The following ZNF678 variants were observed in gnomAD, a reference collection of about 807,000 sequenced individuals.
The protein encoded by ZNF678 is hypothetical protein MGC42493.
Under a neutral mutation model 3.0 loss-of-function variants are expected in ZNF678, and 5 were observed. That is an observed-to-expected ratio of 1.69 (90% CI 0.88 to 3.56). ZNF678 has a LOEUF of 3.56. ZNF678 is among the 30% of genes most tolerant of loss of function. The pLI is 0.00. For synonymous variants in ZNF678, 218 were observed against 199.6 expected (o/e 1.09, Z -0.78); for missense variants, 593 against 605.0 (o/e 0.98, Z 0.21).
intron 1 of ZNF678, among the ~76,000 whole-genome samples, chr1:227,643,186 G>T (rs960966182): frequency 7.9e-5 from 12 of 152,046 alleles, no homozygotes; most frequent in African/African-American, 2.9e-4. Flanking sequence ...AGGAGGAGGA[G>T]GAGTTAGTAG....
intron 1 of ZNF678, among the ~76,000 whole-genome samples, chr1:227,645,401 A>G (rs566635643): frequency 3.4e-4 from 52 of 152,208 alleles, no homozygotes; most frequent in Admixed American, 5.2e-4. Flanking sequence ...TTTTATTTAT[A>G]TATTTGTAAT....
At chr1:227,597,213 A>G (rs1291008926) in intron 1 of ZNF678, among the ~76,000 whole-genome samples, 1 of 152,238 alleles carries the variant, frequency 6.6e-6, no homozygotes, top group Non-Finnish European at 1.5e-5. Context: ...TATCTGCAGC[A>G]GGAGCATGTC....
chr1:227,578,455 A>G (rs1488488576), intron 1 of ZNF678, among the ~76,000 whole-genome samples: 2 of 151,748 alleles, frequency 1.3e-5, no homozygotes, highest in Admixed American at 1.3e-4. Flanking sequence ...TTTTTTTTAC[A>G]CTATTCTTGT....
At chr1:227,564,093 T>C (rs1656607381) in intron 1 of ZNF678, among the ~76,000 whole-genome samples, 1 of 152,242 alleles carries the variant, frequency 6.6e-6, no homozygotes, top group African/African-American at 2.4e-5. Flanking sequence ...TTTAAAGCTT[T>C]GAAGAGTTTG....
chr1:227,631,304 C>T (rs976074329), intron 1 of ZNF678, among the ~76,000 whole-genome samples: 1 of 152,182 alleles, frequency 6.6e-6, no homozygotes, highest in Non-Finnish European at 1.5e-5. Flanking sequence ...ATATAACAGT[C>T]CTGCACCCAT....
intron 1 of ZNF678, among the ~76,000 whole-genome samples, chr1:227,597,835 C>G (rs1340751473): frequency 6.6e-6 from 1 of 152,220 alleles, no homozygotes; most frequent in Non-Finnish European, 1.5e-5. Flanking sequence ...GTACCCAGCT[C>G]TGACCTCTCA....
intron 1 of ZNF678, among the ~76,000 whole-genome samples, chr1:227,568,479 A>G (rs571687329): frequency 5.6e-4 from 85 of 152,342 alleles, no homozygotes; most frequent in African/African-American, 1.9e-3. Context: ...CTTTGAGAAC[A>G]TAAAGGATGG....
chr1:227,672,564 T>C (rs922944998), intron 5 of ZNF678, among the ~76,000 whole-genome samples: 2 of 152,106 alleles, frequency 1.3e-5, no homozygotes, highest in African/African-American at 4.8e-5. Flanking sequence ...TGTTTTGAAC[T>C]CCAGGGTCAG....
downstream of ZNF678, among the ~76,000 whole-genome samples, chr1:227,663,395 G>A (rs1351179608): frequency 2.6e-5 from 4 of 152,136 alleles, no homozygotes; most frequent in Admixed American, 6.5e-5. Context: ...ACATAAAGAC[G>A]TGATATCAAG....
At chr1:227,590,693 A>G (rs534851102) in intron 1 of ZNF678, among the ~76,000 whole-genome samples, 6 of 151,916 alleles carry the variant, frequency 3.9e-5, no homozygotes, top group Non-Finnish European at 8.8e-5. Flanking sequence ...TAACACAACT[A>G]CCTGTCCACT....
chr1:227,586,575 GTAAC>G (rs1383832547), intron 1 of ZNF678, among the ~76,000 whole-genome samples: 1 of 152,142 alleles, frequency 6.6e-6, no homozygotes, highest in Non-Finnish European at 1.5e-5. Flanking sequence ...TTAAAAATAA[GTAAC>G]TAAGAGTCTG....
chr1:227,579,015 C>T (rs1657054483), intron 1 of ZNF678, among the ~76,000 whole-genome samples: 2 of 152,128 alleles, frequency 1.3e-5, no homozygotes, highest in South Asian at 4.2e-4. Flanking sequence ...TTTTAGGGGG[C>T]CAGCACTCAG....
intron 1 of ZNF678, among the ~76,000 whole-genome samples, chr1:227,595,697 A>C (rs559022676): frequency 1.2e-4 from 18 of 152,254 alleles, no homozygotes; most frequent in African/African-American, 4.3e-4. Context: ...GTTTACACCA[A>C]ACCAAAATCA....
At position 227,595,269 on chromosome 1, in the gene ZNF678, G is replaced by GTCTC. The variant is rs148351161; in HGVS notation, c.-164+31562_-164+31565dup. Among the ~76,000 whole-genome samples the GTCTC allele has an allele frequency of 1.3e-4, 18 of 143,738 alleles. No individual in the cohort carries two copies. The East Asian group carries it at 1.4e-3, about 11-fold the overall frequency. 94.3% of individuals were successfully genotyped at this position (143,738 alleles called of 152,430 possible). On this transcript the variant is annotated intron_variant, in intron 1 of 3. Transcript: ENST00000343776. The stretch of plus-strand genomic sequence containing the variant: ...CTCTGTCTCTTCCTCTCTCTTCTCT[G>GTCTC]TCTCTCTCTCTCTCTCTCTCAGCCT...
At chr1:227,616,788 C>G (rs1246211656) in intron 1 of ZNF678, among the ~76,000 whole-genome samples, 2 of 152,158 alleles carry the variant, frequency 1.3e-5, no homozygotes, top group East Asian at 1.9e-4. Context: ...AATCTATAAG[C>G]TAGGCCCTAA....
At chr1:227,596,164 G>T (rs774365518) in intron 1 of ZNF678, among the ~76,000 whole-genome samples, 4 of 152,204 alleles carry the variant, frequency 2.6e-5, no homozygotes, top group Admixed American at 6.5e-5. Context: ...GCTTGGGCTG[G>T]TTGGAGTCCC....
chr1:227,586,539 G>A (rs910036533), intron 1 of ZNF678, among the ~76,000 whole-genome samples: 4 of 152,158 alleles, frequency 2.6e-5, no homozygotes, highest in African/African-American at 9.7e-5. Flanking sequence ...GAGCACTTGA[G>A]CAAGCAGATA....
chr1:227,672,631 C>T (rs1659620726), intron 5 of ZNF678, among the ~76,000 whole-genome samples: 1 of 152,064 alleles, frequency 6.6e-6, no homozygotes, highest in Admixed American at 6.6e-5. Context: ...CTTTGGTGCC[C>T]AGGCTTGTGT....
intron 1 of ZNF678, among the ~76,000 whole-genome samples, chr1:227,566,921 A>G (rs1036448567): frequency 1.3e-5 from 2 of 152,194 alleles, no homozygotes; most frequent in Non-Finnish European, 2.9e-5. Flanking sequence ...TATCGGGGAG[A>G]AAAATAGGAA....
Sources: gnomAD v4.1 joint callset for allele counts (sites outside exome capture counted in the v4.1 genomes callset) on GRCh38, gnomAD v4.1.1 for gene constraint, MANE v1.5 for transcripts, NCBI Gene and HGNC (gene_info 2026-07-23, HGNC 2026-07-21) for gene names.